The following C8B variants were observed in gnomAD, a reference collection of about 807,000 sequenced individuals.
The protein encoded by C8B is complement C8 beta chain.
C8B carries 67 observed loss-of-function variants against 64.6 expected under a neutral mutation model. That is an observed-to-expected ratio of 1.04 (90% CI 0.85 to 1.27). The LOEUF (loss-of-function observed/expected upper bound fraction) is 1.27, where lower values mean the gene tolerates loss of function less well. Among genes scored for constraint, C8B ranks in the 50% most tolerant of loss-of-function variants. The pLI is 0.00. For synonymous variants in C8B, 284 were observed against 257.7 expected, an observed-to-expected ratio of 1.10 and a Z score of -0.98; for missense variants, 790 against 725.2, an observed-to-expected ratio of 1.09 and a Z score of -1.03.
At chr1:56,964,869 C>T (rs555374899) in intron 1 of C8B, among the ~76,000 whole-genome samples, 18 of 152,292 alleles carry the variant, frequency 1.2e-4, no homozygotes, top group African/African-American at 4.3e-4. Flanking sequence ...TCTCTGTGTA[C>T]ACACAGTACA....
intron 11 of C8B, 28 bp from the exon 12 acceptor site, chr1:56,929,586 A>G (rs752403508): frequency 1.2e-6 from 2 of 1,609,594 alleles, no homozygotes; most frequent in Non-Finnish European, 1.7e-6. Flanking sequence ...AATAAGCATC[A>G]ATCAGCACTT....
intron 8 of C8B, 88 bp from the exon 9 acceptor site, chr1:56,941,100 C>T (rs2101386674): frequency 7.1e-7 from 1 of 1,408,036 alleles, no homozygotes; most frequent in Admixed American, 1.9e-5. Context: ...TTTGGGTACA[C>T]CATATTCACT....
At chr1:56,950,979 G>A (rs1343399187) in intron 5 of C8B, among the ~76,000 whole-genome samples, 1 of 152,200 alleles carries the variant, frequency 6.6e-6, no homozygotes, top group African/African-American at 2.4e-5. Flanking sequence ...CCCCAATGGA[G>A]AGTGTGTTTG....
At chr1:56,945,173 T>C in intron 7 of C8B, among the ~76,000 whole-genome samples, 1 of 152,214 alleles carries the variant, frequency 6.6e-6, no homozygotes, top group East Asian at 1.9e-4. Flanking sequence ...CCAAGATTCA[T>C]ACTTGATTCA....
chr1:56,941,313 T>A (rs1006665346), intron 8 of C8B, among the ~76,000 whole-genome samples: 1 of 152,090 alleles, frequency 6.6e-6, no homozygotes, highest in Non-Finnish European at 1.5e-5. Context: ...ATTAGATAGA[T>A]AAATAAATAG....
intron 6 of C8B, among the ~76,000 whole-genome samples, chr1:56,947,429 C>T (rs367954837): frequency 6.6e-6 from 1 of 152,216 alleles, no homozygotes; most frequent in Non-Finnish European, 1.5e-5. Flanking sequence ...TTTGCACATG[C>T]TGTTCCTTCT....
intron 8 of C8B, among the ~76,000 whole-genome samples, chr1:56,943,296 T>G (rs1208818165): frequency 1.3e-5 from 2 of 152,140 alleles, no homozygotes; most frequent in Non-Finnish European, 2.9e-5. Flanking sequence ...GATAACTATG[T>G]AAGATGTTCA....
intron 3 of C8B, among the ~76,000 whole-genome samples, chr1:56,955,376 C>T (rs1015705528): frequency 2.6e-5 from 4 of 152,168 alleles, no homozygotes; most frequent in Non-Finnish European, 5.9e-5. Context: ...AAATTCTTCC[C>T]ACTAAACCAC....
intron 2 of C8B, among the ~76,000 whole-genome samples, chr1:56,957,876 A>G (rs974723050): frequency 6.6e-6 from 1 of 152,086 alleles, no homozygotes; most frequent in African/African-American, 2.4e-5. Context: ...GGAGAAGCCC[A>G]AGTGGAAGGC....
Position 56,949,644 on chromosome 1 carries a change from T to A in C8B, c.775A>T (p.Lys259Ter), listed in dbSNP as rs1195220080. The A allele has an allele frequency of 6.2e-7, 1 of 1,614,002 alleles. No homozygotes were observed. Among genetic ancestry groups the A allele is most frequent in the Non-Finnish European group, 8.5e-7 (1 of 1,179,990 alleles). The stretch of plus-strand genomic sequence containing the variant: ...CCAAGTTCAAATATTCCAGGTATTT[T>A]AAAACCAAAACTGAAACCAGACTTG... Reference protein sequence around the residue: ...ASKSGFSFGFKIPGIFELGIS... With the variant: ...ASKSGFSFGF Residue 259 changes from lysine (K) to a stop codon, truncating the protein, a stop_gained, in exon 6 of 12, where the codon AAA (lysine) becomes TAA (stop). Transcript: ENST00000371237. LOFTEE classifies it high-confidence loss of function.
intron 5 of C8B, among the ~76,000 whole-genome samples, chr1:56,950,103 A>C (rs1644999768): frequency 1.3e-5 from 2 of 152,258 alleles, no homozygotes; most frequent in Non-Finnish European, 1.5e-5. Context: ...AGTGCAGTTC[A>C]TTGAGAAGTT....
At chr1:56,947,387 T>A (rs1483907878) in intron 6 of C8B, among the ~76,000 whole-genome samples, 1 of 152,210 alleles carries the variant, frequency 6.6e-6, no homozygotes, top group Non-Finnish European at 1.5e-5. Context: ...CTTTTCACTG[T>A]TCCCCAAGCC....
chr1:56,961,591 T>G (rs537560886), intron 1 of C8B, among the ~76,000 whole-genome samples: 5 of 152,256 alleles, frequency 3.3e-5, no homozygotes, highest in Admixed American at 1.3e-4. Context: ...ACTCCAATAA[T>G]CTCTTCCAAC....
intron 1 of C8B, among the ~76,000 whole-genome samples, chr1:56,964,496 G>T (rs564718603): frequency 1.3e-4 from 20 of 152,106 alleles, no homozygotes; most frequent in Non-Finnish European, 2.9e-4. Flanking sequence ...TCACACTCAC[G>T]CACCGTTGCC....
At chr1:56,943,022 G>A (rs193110535) in intron 8 of C8B, among the ~76,000 whole-genome samples, 37 of 151,966 alleles carry the variant, frequency 2.4e-4, no homozygotes, top group Non-Finnish European at 4.4e-4. Context: ...CCTGAGCCCC[G>A]AAGGTGGAGA....
chr1:56,958,552 T>C (rs1233084229), intron 2 of C8B, among the ~76,000 whole-genome samples: 1 of 151,282 alleles, frequency 6.6e-6, no homozygotes, highest in Non-Finnish European at 1.5e-5. Context: ...TCCAGGAGTG[T>C]GTAAGTGGTG....
intron 1 of C8B, among the ~76,000 whole-genome samples, chr1:56,964,424 G>C (rs1258869516): frequency 6.6e-6 from 1 of 152,090 alleles, no homozygotes; most frequent in African/African-American, 2.4e-5. Flanking sequence ...TCAACTTCCT[G>C]CCGGGACCTG....
At chr1:56,943,306 A>G (rs1230684931) in intron 8 of C8B, among the ~76,000 whole-genome samples, 1 of 152,212 alleles carries the variant, frequency 6.6e-6, no homozygotes, top group Admixed American at 6.5e-5. Flanking sequence ...TAAGATGTTC[A>G]GAGCAGCATC....
chr1:56,961,002 G>A lies in C8B; in HGVS notation c.93-826C>T, dbSNP rs559939621. 6.6e-4 allele frequency among the ~76,000 whole-genome samples: 100 copies of A among 151,970 alleles called. 1 individual carries two copies. Among genetic ancestry groups the A allele is most frequent in the Non-Finnish European group, 1.3e-3 (88 of 67,886 alleles). ...GGAAAGCTATGGAAGAGGAGGAGAT[G>A]GTTCTTGAGAGGAGAAGTGAGTGAA... On this transcript the variant is annotated intron_variant, in intron 1 of 11. Coordinates refer to ENST00000371237, the MANE Select transcript of C8B (RefSeq NM_000066.4).
Sources: allele counts gnomAD v4.1 joint callset (sites outside exome capture counted in the v4.1 genomes callset), GRCh38; gene constraint gnomAD v4.1.1; transcripts MANE v1.5; gene names NCBI Gene and HGNC (gene_info 2026-07-23, HGNC 2026-07-21).